Variants in RHOJ observed in about 807,000 individuals in gnomAD.
RHOJ encodes the protein ras homolog family member J.
RHOJ carries 11 observed loss-of-function variants against 23.4 expected under a neutral mutation model. The observed-to-expected ratio is 0.47, with a 90% CI of 0.30 to 0.78. The LOEUF is 0.78. Among genes scored for constraint, RHOJ ranks in the 30% least tolerant of loss-of-function variants. RHOJ has a pLI of 0.08. For missense variants in RHOJ, 254 were observed against 273.4 expected, an observed-to-expected ratio of 0.93 and a Z score of 0.50; for synonymous variants, 102 against 102.7, an observed-to-expected ratio of 0.99 and a Z score of 0.04.
chr14:63,237,731 C>A (rs559200736), intron 1 of RHOJ, among the ~76,000 whole-genome samples: 1 of 152,174 alleles, frequency 6.6e-6, no homozygotes, highest in South Asian at 2.1e-4. Context: ...TTTAGCTATA[C>A]ATTTGTTTAA....
chr14:63,251,849 A>G (rs1291200241), intron 1 of RHOJ, among the ~76,000 whole-genome samples: 1 of 152,172 alleles, frequency 6.6e-6, no homozygotes, highest in Non-Finnish European at 1.5e-5. Context: ...AAAATGTCAC[A>G]GTGGGTCACG....
rs1381361158 is a variant in RHOJ, at chr14:63,292,925, G to A, written c.*1901G>A. ...TGACTGTGCCACTACACTCCAGCCT[G>A]AGTGACAGAGAAAGAACCTGTCAAA... On this transcript the variant is annotated 3_prime_UTR_variant, in exon 5 of 5. Coordinates refer to ENST00000316754, the MANE Select transcript of RHOJ (RefSeq NM_020663.5). 3 of 147,966 alleles carry A rather than the reference G, an allele frequency of 2.0e-5. No homozygotes were observed. The highest frequency in any genetic ancestry group is 4.4e-5 in the Non-Finnish European group (3 of 67,670). The allele number at this position is 147,966 out of a possible 1,614,324, so 9.2% of individuals were successfully genotyped here. A position where few individuals can be genotyped will look rare whatever the true frequency, so the allele number is the denominator to read the frequency against.
chr14:63,250,682 A>G (rs887095088), intron 1 of RHOJ, among the ~76,000 whole-genome samples: 28 of 152,174 alleles, frequency 1.8e-4, no homozygotes, highest in Non-Finnish European at 4.4e-5. Context: ...CTTACTGCTC[A>G]GGGCTCAGTT....
chr14:63,225,774 C>CT (rs1448288271), intron 1 of RHOJ, among the ~76,000 whole-genome samples: 1 of 151,954 alleles, frequency 6.6e-6, no homozygotes. Context: ...TAAAAATATA[C>CT]TTTTTTTTGA....
chr14:63,258,335 T>C (rs1039942763), intron 1 of RHOJ, among the ~76,000 whole-genome samples: 11 of 151,892 alleles, frequency 7.2e-5, no homozygotes, highest in African/African-American at 2.4e-4. Context: ...CAGCCACCCA[T>C]GCTAGCCTTG....
At chr14:63,224,617 A>G (rs979083222) in intron 1 of RHOJ, among the ~76,000 whole-genome samples, 3 of 152,220 alleles carry the variant, frequency 2.0e-5, no homozygotes, top group Admixed American at 6.5e-5. Flanking sequence ...TGTACTGTTC[A>G]CTGTTGATAC....
chr14:63,207,890 G>C (rs1894148757), intron 1 of RHOJ, among the ~76,000 whole-genome samples: 1 of 152,190 alleles, frequency 6.6e-6, no homozygotes, highest in Non-Finnish European at 1.5e-5. Flanking sequence ...TGTGATAAGA[G>C]TTAGGTACAT....
intron 1 of RHOJ, among the ~76,000 whole-genome samples, chr14:63,209,962 C>CTT (rs1279699111): frequency 2.3e-5 from 3 of 133,300 alleles, no homozygotes; most frequent in Non-Finnish European, 3.3e-5. Flanking sequence ...CCTTTTTTTT[C>CTT]TTTTTTTTTT....
Position 63,291,260 on chromosome 14 carries a change from T to G in RHOJ, c.*236T>G. The G allele has an allele frequency of 1.8e-6, 1 of 550,676 alleles. No homozygotes were observed. Among genetic ancestry groups the G allele is most frequent in the East Asian group, 3.2e-5 (1 of 31,086 alleles). 34.1% of individuals were successfully genotyped at this position (550,676 alleles called of 1,614,324 possible). Reference sequence around the variant, plus strand: ...GCTGTCTGAGAATGCTGGGCCTGGATTGCAGACAGTGCCGCTGCTGATCGC... The same window carrying G: ...GCTGTCTGAGAATGCTGGGCCTGGAGTGCAGACAGTGCCGCTGCTGATCGC... On this transcript the variant is annotated 3_prime_UTR_variant, in exon 5 of 5. Coordinates refer to ENST00000316754, the MANE Select transcript of RHOJ (RefSeq NM_020663.5).
chr14:63,237,199 GA>G (rs1286055049), intron 1 of RHOJ, among the ~76,000 whole-genome samples: 1 of 152,032 alleles, frequency 6.6e-6, no homozygotes, highest in East Asian at 1.9e-4. Flanking sequence ...CTTGCCTAGA[GA>G]AATAAGAGAA....
At chr14:63,243,113 C>T (rs1016635092) in intron 1 of RHOJ, among the ~76,000 whole-genome samples, 5 of 152,090 alleles carry the variant, frequency 3.3e-5, no homozygotes, top group Non-Finnish European at 5.9e-5. Flanking sequence ...AAGAAAATTT[C>T]AAAGGGAAAA....
At chr14:63,222,007 T>G (rs978376630) in intron 1 of RHOJ, among the ~76,000 whole-genome samples, 8 of 121,706 alleles carry the variant, frequency 6.6e-5, no homozygotes, top group African/African-American at 2.5e-4. Flanking sequence ...CGGTGTGTGA[T>G]GTTCGCCTTC....
intron 1 of RHOJ, among the ~76,000 whole-genome samples, chr14:63,217,067 CT>C (rs901908171): frequency 9.5e-5 from 6 of 63,428 alleles, no homozygotes; most frequent in African/African-American, 1.2e-4. Context: ...TTCTTTCCCG[CT>C]TTTTTTTTCT....
intron 1 of RHOJ, among the ~76,000 whole-genome samples, chr14:63,252,289 GA>G (rs768200078): frequency 1.6e-4 from 24 of 152,190 alleles, no homozygotes; most frequent in Non-Finnish European, 2.4e-4. Flanking sequence ...CAGGTTCCAG[GA>G]ACTAGGATGT....
chr14:63,252,163 C>CA (rs1895083461), intron 1 of RHOJ, among the ~76,000 whole-genome samples: 1 of 152,184 alleles, frequency 6.6e-6, no homozygotes, highest in Non-Finnish European at 1.5e-5. Context: ...TGCATTCCTA[C>CA]AGGCTCCAGG....
chr14:63,272,005 G>A (rs551997053), intron 2 of RHOJ, among the ~76,000 whole-genome samples: 1 of 152,350 alleles, frequency 6.6e-6, no homozygotes, highest in East Asian at 1.9e-4. Context: ...CAGGAAGCAT[G>A]TTAGAACTGC....
intron 1 of RHOJ, among the ~76,000 whole-genome samples, chr14:63,222,700 A>T (rs1464114144): frequency 6.6e-6 from 1 of 151,820 alleles, no homozygotes; most frequent in Non-Finnish European, 1.5e-5. Context: ...AATTTGTTTG[A>T]GTTCTTTGTA....
At chr14:63,290,003 G>C (rs1405224241) in intron 4 of RHOJ, among the ~76,000 whole-genome samples, 1 of 152,018 alleles carries the variant, frequency 6.6e-6, no homozygotes, top group African/African-American at 2.4e-5. Flanking sequence ...AGCATTTTTG[G>C]AGGCTGAGGC....
intron 4 of RHOJ, chr14:63,288,307 C>T: frequency 3.0e-6 from 3 of 985,416 alleles, no homozygotes; most frequent in Non-Finnish European, 3.6e-6. Flanking sequence ...GCCCCTCCTG[C>T]AGGACTCCAG....
Sources: gnomAD v4.1 joint callset for allele counts (sites outside exome capture counted in the v4.1 genomes callset) on GRCh38, gnomAD v4.1.1 for gene constraint, MANE v1.5 for transcripts, NCBI Gene and HGNC (gene_info 2026-07-23, HGNC 2026-07-21) for gene names.